Variants in STRN3 observed in about 807,000 individuals in gnomAD.
STRN3 encodes striatin 3, also known as striatin-3.
In STRN3, 29 loss-of-function variants were observed where a neutral mutation model predicts 95.6. The ratio of observed to expected loss-of-function variants is 0.30; its 90% CI spans 0.23 to 0.41. STRN3 has a LOEUF of 0.41. STRN3 is among the 10% of genes least tolerant of loss of function. The pLI, the probability that STRN3 is intolerant of heterozygous loss-of-function variation, is 1.00. For missense variants in STRN3, 890 were observed against 972.1 expected (o/e 0.92, Z 1.12); for synonymous variants, 331 against 357.6 (o/e 0.93, Z 0.84).
intron 16 of STRN3, 33 bp from the exon 17 acceptor site, chr14:30,895,781 T>G: frequency 6.4e-7 from 1 of 1,568,166 alleles, no homozygotes. Flanking sequence ...CTGATTAAGT[T>G]TTCACAAATA....
chr14:30,950,929 G>C lies in STRN3; in HGVS notation c.476C>G (p.Thr159Arg). The C allele has an allele frequency of 6.2e-7, 1 of 1,612,654 alleles. No individual in the cohort carries two copies. The highest frequency in any genetic ancestry group is 8.5e-7 in the Non-Finnish European group (1 of 1,179,678). Residue 159 changes from threonine to arginine, a missense_variant, in exon 4 of 18, where the codon ACA becomes AGA. Transcript: ENST00000357479. ...PTFESEETKD[T>R]EAPTAPQNSQ... ...ATTCTGAGGTGCTGTGGGAGCCTCT[G>C]TGTCTTTGGTTTCTTCTAAAAATTA...
chr14:30,948,804 GA>G (rs1196769656), intron 4 of STRN3, among the ~76,000 whole-genome samples: 1 of 152,184 alleles, frequency 6.6e-6, no homozygotes, highest in Admixed American at 6.5e-5. Context: ...GCATTTATGA[GA>G]GGAATACTGT....
intron 1 of STRN3, among the ~76,000 whole-genome samples, chr14:30,960,868 C>CAAAAAA (rs56227331): frequency 2.7e-4 from 13 of 47,424 alleles, no homozygotes; most frequent in Non-Finnish European, 2.9e-4. Flanking sequence ...GACTCCATCT[C>CAAAAAA]AAAAAAAAAA....
At chr14:30,915,641 T>C (rs1896719075) in intron 9 of STRN3, among the ~76,000 whole-genome samples, 1 of 152,202 alleles carries the variant, frequency 6.6e-6, no homozygotes, top group Admixed American at 6.5e-5. Flanking sequence ...CATTATATAA[T>C]ATTTACTCAA....
intron 1 of STRN3, among the ~76,000 whole-genome samples, chr14:30,997,755 G>A (rs768196933): frequency 4.6e-5 from 7 of 152,226 alleles, no homozygotes; most frequent in East Asian, 3.9e-4. Flanking sequence ...GTAGGAACCC[G>A]TGCATCCTTA....
At chr14:31,013,898 TA>T (rs1750425398) in intron 1 of STRN3, among the ~76,000 whole-genome samples, 3 of 135,042 alleles carry the variant, frequency 2.2e-5, no homozygotes, top group Non-Finnish European at 5.0e-5. Flanking sequence ...TTATTATTAT[TA>T]TTATTATTAT....
At chr14:30,911,387 C>A (rs569184098) in intron 12 of STRN3, among the ~76,000 whole-genome samples, 2 of 151,038 alleles carry the variant, frequency 1.3e-5, no homozygotes. Context: ...GTAAAACCTC[C>A]ACCTCCCAGG....
chr14:30,905,858 T>G (rs1346362697), intron 14 of STRN3, among the ~76,000 whole-genome samples: 1 of 152,216 alleles, frequency 6.6e-6, no homozygotes, highest in Non-Finnish European at 1.5e-5. Context: ...TTCTAAGGGA[T>G]TAAATAAAAT....
intron 1 of STRN3, among the ~76,000 whole-genome samples, chr14:31,003,796 T>TAAAAAA (rs35951887): frequency 3.5e-5 from 4 of 115,476 alleles, no homozygotes; most frequent in Admixed American, 9.2e-5. Context: ...ACATCTTTCT[T>TAAAAAA]AAAAAAAAAA....
At chr14:30,948,777 T>A (rs1434420662) in intron 4 of STRN3, among the ~76,000 whole-genome samples, 3 of 152,200 alleles carry the variant, frequency 2.0e-5, no homozygotes, top group African/African-American at 7.2e-5. Context: ...AAATTGTAAA[T>A]CAGGCAATGG....
intron 9 of STRN3, among the ~76,000 whole-genome samples, chr14:30,917,893 A>G (rs149151119): frequency 6.6e-6 from 1 of 152,160 alleles, no homozygotes; most frequent in Non-Finnish European, 1.5e-5. Flanking sequence ...CATCAATTAA[A>G]CTTAATACAT....
chr14:30,895,328 A>T lies in STRN3; in HGVS notation c.*83T>A. 1 of 1,384,508 alleles carries T rather than the reference A, an allele frequency of 7.2e-7. No individual in the cohort carries two copies. Among genetic ancestry groups the T allele is most frequent in the Admixed American group, 2.5e-5 (1 of 40,734 alleles). The allele number at this position is 1,384,508 out of a possible 1,614,324, so 85.8% of individuals were successfully genotyped here. ...CACCAGGCAGATCACATGTAGTGTCATATCAGTAACCTTTCTGATGGCAGT... is the reference window on the plus strand; with the variant it reads ...CACCAGGCAGATCACATGTAGTGTCTTATCAGTAACCTTTCTGATGGCAGT... On this transcript the variant is annotated 3_prime_UTR_variant, in exon 18 of 18. Coordinates refer to ENST00000357479, the MANE Select transcript of STRN3 (RefSeq NM_001083893.2).
At chr14:30,917,402 A>G (rs1238700617) in intron 9 of STRN3, among the ~76,000 whole-genome samples, 1 of 152,198 alleles carries the variant, frequency 6.6e-6, no homozygotes, top group African/African-American at 2.4e-5. Context: ...GAAACATTTA[A>G]AAGGGTCCAC....
chr14:30,962,375 T>C (rs892968404), intron 1 of STRN3, among the ~76,000 whole-genome samples: 4 of 152,258 alleles, frequency 2.6e-5, no homozygotes, highest in Non-Finnish European at 5.9e-5. Flanking sequence ...AAAATTCACA[T>C]AAATTTAGTA....
intron 1 of STRN3, among the ~76,000 whole-genome samples, chr14:31,007,850 C>T (rs1264533018): frequency 1.3e-5 from 2 of 152,178 alleles, no homozygotes; most frequent in East Asian, 3.8e-4. Context: ...TATGATCCCA[C>T]CACAGCACTC....
In STRN3 at chr14:30,977,794, G is replaced by GAA. The variant is rs869303485; in HGVS notation, c.283-21554_283-21553dup. Among the ~76,000 whole-genome samples the GAA allele has an allele frequency of 9.9e-3, 1,090 of 109,594 alleles. 15 individuals are homozygous for GAA. Among genetic ancestry groups the GAA allele is most frequent in the African/African-American group, 0.03 (773 of 26,136 alleles). 71.9% of individuals were successfully genotyped at this position (109,594 alleles called of 152,430 possible). The stretch of plus-strand genomic sequence containing the variant: ...GGCAAACAAAACAAGACTCTATCTC[G>GAA]AAAAAAAAAAAAAAAAAAAAAAACA... On this transcript the variant is annotated intron_variant, in intron 1 of 17. Transcript: ENST00000357479.
intron 6 of STRN3, among the ~76,000 whole-genome samples, chr14:30,936,238 C>A (rs577704256): frequency 1.3e-5 from 2 of 152,164 alleles, no homozygotes; most frequent in Non-Finnish European, 2.9e-5. Flanking sequence ...GTGGAAAGGG[C>A]ATTGCTTTAA....
intron 4 of STRN3, among the ~76,000 whole-genome samples, chr14:30,949,394 C>T (rs1879526322): frequency 1.3e-5 from 2 of 152,178 alleles, no homozygotes; most frequent in South Asian, 2.1e-4. Flanking sequence ...GGGCAGATCA[C>T]GACGTCAGGA....
intron 8 of STRN3, among the ~76,000 whole-genome samples, chr14:30,923,353 C>T (rs981156917): frequency 6.6e-5 from 10 of 152,052 alleles, no homozygotes; most frequent in African/African-American, 2.4e-4. Flanking sequence ...CTTGGGGGAG[C>T]TCACTTATGA....
Sources: gnomAD v4.1 joint callset for allele counts (sites outside exome capture counted in the v4.1 genomes callset) on GRCh38, gnomAD v4.1.1 for gene constraint, MANE v1.5 for transcripts, NCBI Gene and HGNC (gene_info 2026-07-23, HGNC 2026-07-21) for gene names.